Variants in NLGN4X observed in about 807,000 individuals in gnomAD.
NLGN4X encodes neuroligin-4, X-linked.
A neutral mutation model predicts 40.3 loss-of-function variants in NLGN4X; 3 were observed. That is an observed-to-expected ratio of 0.07 (90% CI 0.03 to 0.19). NLGN4X has a LOEUF of 0.19. Among genes scored for constraint, NLGN4X ranks in the 10% least tolerant of loss-of-function variants. NLGN4X has a pLI of 1.00. For synonymous variants in NLGN4X, 270 were observed against 306.8 expected, an observed-to-expected ratio of 0.88 and a Z score of 1.25; for missense variants, 382 against 708.3, an observed-to-expected ratio of 0.54 and a Z score of 5.23.
At chrX:6,120,181 C>T (rs1003955620) in intron 2 of NLGN4X, among the ~76,000 whole-genome samples, 2 of 110,604 alleles carry the variant, frequency 1.8e-5, no homozygotes, top group South Asian at 3.9e-4. Context: ...AAGCCCCTGC[C>T]GCAACACATA....
chrX:6,024,699 C>T (rs961565440), intron 3 of NLGN4X, among the ~76,000 whole-genome samples: 7 of 111,500 alleles, frequency 6.3e-5, no homozygotes, highest in South Asian at 3.8e-4. Flanking sequence ...TGCTAAAAGA[C>T]CCTTCCACAA....
At chrX:6,210,845 G>A (rs932033419) in intron 1 of NLGN4X, among the ~76,000 whole-genome samples, 2 of 112,261 alleles carry the variant, frequency 1.8e-5, no homozygotes, top group African/African-American at 3.2e-5. Context: ...ACAAAACTAC[G>A]AGAAGATCAT....
At chrX:6,013,402 TA>T (rs71977874) in intron 3 of NLGN4X, among the ~76,000 whole-genome samples, 4,589 of 96,080 alleles carry the variant, frequency 0.048, 263 homozygotes, top group African/African-American at 0.16. Flanking sequence ...TCACTCAAAC[TA>T]AAAAAAAAAA....
rs541011078 is a variant in NLGN4X at position 5,958,786 on chromosome X, A to T, written c.626-49547T>A. On this transcript the variant is annotated intron_variant, in intron 3 of 5. Coordinates refer to ENST00000381095, the MANE Select transcript of NLGN4X (RefSeq NM_181332.3). ...TTTCCCTATGTAGAAACCAGGTTGC[A>T]GAAAATGTAGAGATACAGGCTATCG... 8.9e-5 allele frequency among the ~76,000 whole-genome samples: 10 copies of T among 112,244 alleles called. No homozygotes were observed. The South Asian group carries it at 3.7e-3, about 41-fold the overall frequency.
intron 3 of NLGN4X, among the ~76,000 whole-genome samples, chrX:5,985,386 G>T (rs1380224185): frequency 9.0e-6 from 1 of 111,176 alleles, no homozygotes; most frequent in East Asian, 2.8e-4. Context: ...CTTATCTCTG[G>T]AGTACCTAGG....
intron 3 of NLGN4X, among the ~76,000 whole-genome samples, chrX:6,000,641 C>G (rs1171747270): frequency 2.7e-5 from 3 of 111,573 alleles, no homozygotes; most frequent in African/African-American, 9.8e-5. Flanking sequence ...CAAGAGTCAC[C>G]TTTATTCTAG....
chrX:5,905,616 A>C (rs2032131198), intron 4 of NLGN4X, among the ~76,000 whole-genome samples: 1 of 112,331 alleles, frequency 8.9e-6, no homozygotes, highest in South Asian at 3.7e-4. Context: ...ATCACTTTCC[A>C]CGTGTACTTT....
chrX:6,173,213 G>A, intron 1 of NLGN4X, among the ~76,000 whole-genome samples: 2 of 112,468 alleles, frequency 1.8e-5, no homozygotes, highest in Middle Eastern at 9.3e-3. Flanking sequence ...CTGTATTCTA[G>A]GCTCAACTGA....
chrX:6,117,843 A>C (rs2039337116), intron 2 of NLGN4X, among the ~76,000 whole-genome samples: 4 of 112,188 alleles, frequency 3.6e-5, no homozygotes, highest in Admixed American at 9.4e-5. Flanking sequence ...ACTGTTGTAC[A>C]TGAACACCAT....
chrX:5,903,999 G>C, intron 4 of NLGN4X, 133 bp from the exon 5 acceptor site: 1 of 798,512 alleles, frequency 1.3e-6, no homozygotes, highest in South Asian at 2.3e-5. Context: ...AGCTCTGTCA[G>C]GGGCCCTTTT....
chrX:6,117,995 TG>T (rs1198171415), intron 2 of NLGN4X, among the ~76,000 whole-genome samples: 3 of 111,282 alleles, frequency 2.7e-5, no homozygotes, highest in Non-Finnish European at 3.8e-5. Flanking sequence ...CATTAAAATT[TG>T]GGTTTTGGGT....
chrX:6,184,370 G>C (rs1423656995), intron 1 of NLGN4X, among the ~76,000 whole-genome samples: 1 of 111,726 alleles, frequency 9.0e-6, no homozygotes, highest in Non-Finnish European at 1.9e-5. Flanking sequence ...ACCATTAAAA[G>C]GACAAGTGAA....
At chrX:6,128,876 T>C (rs2039619173) in intron 2 of NLGN4X, among the ~76,000 whole-genome samples, 1 of 112,314 alleles carries the variant, frequency 8.9e-6, no homozygotes, top group Non-Finnish European at 1.9e-5. Flanking sequence ...CAACTATATA[T>C]ATATGCATTC....
intron 3 of NLGN4X, among the ~76,000 whole-genome samples, chrX:5,983,020 T>TG (rs1431939380): frequency 1.8e-5 from 2 of 112,628 alleles, no homozygotes; most frequent in Admixed American, 1.9e-4. Flanking sequence ...CACCATGTAA[T>TG]GGGGCAACTC....
chrX:5,896,993 A>G (rs1170226209), intron 5 of NLGN4X, among the ~76,000 whole-genome samples: 2 of 111,660 alleles, frequency 1.8e-5, no homozygotes, highest in South Asian at 3.8e-4. Flanking sequence ...GTTGAACGTA[A>G]ATTAATCATA....
chrX:6,148,625 C>T (rs1425851076), intron 2 of NLGN4X, among the ~76,000 whole-genome samples: 2 of 110,734 alleles, frequency 1.8e-5, no homozygotes, highest in African/African-American at 6.6e-5. Flanking sequence ...AAGCAATTCT[C>T]CTGCCTCAGC....
intron 3 of NLGN4X, among the ~76,000 whole-genome samples, chrX:5,982,837 G>A (rs1011056650): frequency 1.8e-5 from 2 of 112,002 alleles, no homozygotes; most frequent in Admixed American, 9.5e-5. Flanking sequence ...CAGCCTGGAT[G>A]ACACAGTAAG....
intron 2 of NLGN4X, among the ~76,000 whole-genome samples, chrX:6,062,439 A>G (rs2037793172): frequency 9.0e-6 from 1 of 111,574 alleles, no homozygotes; most frequent in African/African-American, 3.3e-5. Flanking sequence ...TTGACACATG[A>G]ATTATCTGTT....
chrX:6,224,567 C>T (rs1426871390), intron 1 of NLGN4X, among the ~76,000 whole-genome samples: 1 of 111,255 alleles, frequency 9.0e-6, no homozygotes, highest in African/African-American at 3.3e-5. Context: ...TATGAACTTT[C>T]AAATTCTTTC....
Sources: allele counts gnomAD v4.1 joint callset (sites outside exome capture counted in the v4.1 genomes callset), GRCh38; gene constraint gnomAD v4.1.1; transcripts MANE v1.5; gene names NCBI Gene and HGNC (gene_info 2026-07-23, HGNC 2026-07-21).